Variants in CDH12 observed in about 807,000 individuals in gnomAD.
CDH12 encodes cadherin 12, also known as cadherin-12.
CDH12 carries 41 observed loss-of-function variants against 74.1 expected under a neutral mutation model. The observed-to-expected ratio is 0.55, with a 90% CI of 0.43 to 0.72. CDH12 has a LOEUF of 0.72. Ranked by LOEUF, CDH12 falls within the 30% of genes least tolerant of loss-of-function variation. The pLI is 0.00. For missense variants in CDH12, 945 were observed against 977.2 expected, an observed-to-expected ratio of 0.97 and a Z score of 0.44; for synonymous variants, 399 against 355.0, an observed-to-expected ratio of 1.12 and a Z score of -1.39.
chr5:22,641,226 C>T (rs111850347), intron 1 of CDH12, among the ~76,000 whole-genome samples: 1 of 152,088 alleles, frequency 6.6e-6, no homozygotes, highest in African/African-American at 2.4e-5. Context: ...GGTCTCAGAA[C>T]CGGGGAAGCT....
intron 2 of CDH12, among the ~76,000 whole-genome samples, chr5:22,433,753 C>A (rs1744266903): frequency 6.6e-6 from 1 of 152,120 alleles, no homozygotes; most frequent in Non-Finnish European, 1.5e-5. Context: ...TTTAGGAATT[C>A]AAACACAGGC....
intron 1 of CDH12, among the ~76,000 whole-genome samples, chr5:22,555,596 G>A (rs1003078349): frequency 1.3e-5 from 2 of 151,692 alleles, no homozygotes; most frequent in Non-Finnish European, 1.5e-5. Context: ...AAATAATTAA[G>A]CAAAAGATCT....
intron 4 of CDH12, among the ~76,000 whole-genome samples, chr5:22,104,285 A>T (rs1312252206): frequency 6.6e-6 from 1 of 152,206 alleles, no homozygotes; most frequent in African/African-American, 2.4e-5. Flanking sequence ...CCTTGTAGGC[A>T]TTTGAATTAG....
At chr5:22,597,374 G>A (rs1001738455) in intron 1 of CDH12, among the ~76,000 whole-genome samples, 9 of 152,226 alleles carry the variant, frequency 5.9e-5, no homozygotes, top group Admixed American at 5.2e-4. Flanking sequence ...CATATCATAT[G>A]CACAGATGAG....
chr5:22,590,250 T>C (rs558541106), intron 1 of CDH12, among the ~76,000 whole-genome samples: 1 of 152,144 alleles, frequency 6.6e-6, no homozygotes, highest in African/African-American at 2.4e-5. Context: ...CTCTTTTGAG[T>C]GACAGAATCT....
intron 8 of CDH12, among the ~76,000 whole-genome samples, chr5:21,819,287 C>T (rs895325029): frequency 2.0e-5 from 3 of 151,902 alleles, no homozygotes; most frequent in African/African-American, 7.2e-5. Context: ...ATATAAGGGT[C>T]CCTGAACTTC....
At chr5:22,836,420 A>G (rs1736831578) in intron 1 of CDH12, among the ~76,000 whole-genome samples, 1 of 151,194 alleles carries the variant, frequency 6.6e-6, no homozygotes, top group Non-Finnish European at 1.5e-5. Flanking sequence ...TTGTAGAGAC[A>G]GGGTTTCACT....
chr5:22,449,746 T>C (rs988186966), intron 2 of CDH12, among the ~76,000 whole-genome samples: 1 of 152,046 alleles, frequency 6.6e-6, no homozygotes, highest in African/African-American at 2.4e-5. Flanking sequence ...ATATCTGTTA[T>C]ATGGACTTGC....
rs78204513 is a variant in CDH12 at position 22,582,263 on chromosome 5, T to C, written c.-522-76899A>G. ...TGAATTCACCTTAATATAGATGACA[T>C]ACTATTTTATCTATGCTTTTTTGGC... On this transcript the variant is annotated intron_variant, in intron 1 of 14. Coordinates refer to ENST00000382254, the MANE Select transcript of CDH12 (RefSeq NM_004061.5). Among the ~76,000 whole-genome samples the C allele has an allele frequency of 9.1e-3, 1,371 of 150,364 alleles. 21 individuals carry two copies. Among genetic ancestry groups the C allele is most frequent in the African/African-American group, 0.032 (1,306 of 41,362 alleles).
intron 4 of CDH12, among the ~76,000 whole-genome samples, chr5:22,149,387 C>T (rs1165516365): frequency 2.6e-5 from 4 of 152,102 alleles, no homozygotes; most frequent in Admixed American, 6.6e-5. Context: ...CTTTTAAAGG[C>T]CTGCCATGGT....
chr5:22,626,110 C>A (rs1180073041), intron 1 of CDH12, among the ~76,000 whole-genome samples: 2 of 152,118 alleles, frequency 1.3e-5, no homozygotes, highest in Non-Finnish European at 2.9e-5. Flanking sequence ...ACTACCAGTA[C>A]AAGTGCATGC....
intron 4 of CDH12, among the ~76,000 whole-genome samples, chr5:22,131,536 T>C (rs957845038): frequency 3.3e-5 from 5 of 152,126 alleles, no homozygotes; most frequent in African/African-American, 1.2e-4. Context: ...ATTTCCTGAG[T>C]GATTAAATGG....
intron 2 of CDH12, among the ~76,000 whole-genome samples, chr5:22,495,203 A>G (rs1160153823): frequency 6.6e-6 from 1 of 152,170 alleles, no homozygotes; most frequent in Non-Finnish European, 1.5e-5. Context: ...AAACAACACA[A>G]AAAAATGGAA....
chr5:22,783,289 G>A lies in CDH12; in HGVS notation c.-523+69769C>T, dbSNP rs188483214. On this transcript the variant is annotated intron_variant, in intron 1 of 14. Transcript: ENST00000382254. ...AGATCCACTTTGTTTATAAATACAT[G>A]AGACACACTATCCCAGTGAATTGCA... Among the ~76,000 whole-genome samples the A allele has an allele frequency of 1.9e-4, 29 of 151,348 alleles. No homozygotes were observed. In the East Asian group the frequency reaches 4.2e-3, roughly 22 times the overall value.
At chr5:22,470,260 G>C (rs1007146606) in intron 2 of CDH12, among the ~76,000 whole-genome samples, 22 of 152,024 alleles carry the variant, frequency 1.4e-4, no homozygotes, top group Non-Finnish European at 2.9e-4. Flanking sequence ...TTATGTAGTT[G>C]GCTTAAAAGA....
At chr5:22,135,447 AT>A (rs1746409719) in intron 4 of CDH12, among the ~76,000 whole-genome samples, 1 of 152,020 alleles carries the variant, frequency 6.6e-6, no homozygotes, top group Non-Finnish European at 1.5e-5. Context: ...TTTCTGTCAT[AT>A]TTCATAAGAG....
chr5:22,498,225 C>A (rs543289115), intron 2 of CDH12, among the ~76,000 whole-genome samples: 13 of 152,082 alleles, frequency 8.5e-5, no homozygotes, highest in Admixed American at 8.5e-4. Flanking sequence ...TGGCACTCTT[C>A]CCAGCTAATT....
intron 1 of CDH12, among the ~76,000 whole-genome samples, chr5:22,568,746 G>A (rs1056314777): frequency 2.0e-5 from 3 of 152,154 alleles, no homozygotes; most frequent in African/African-American, 7.2e-5. Flanking sequence ...ATAACAAAGT[G>A]AGCCACATAC....
At chr5:22,490,645 G>GT (rs901211426) in intron 2 of CDH12, among the ~76,000 whole-genome samples, 1 of 151,388 alleles carries the variant, frequency 6.6e-6, no homozygotes, top group African/African-American at 2.4e-5. Flanking sequence ...TCTTTAATCA[G>GT]TTAAAAAAAA....
Sources: allele counts gnomAD v4.1 joint callset (sites outside exome capture counted in the v4.1 genomes callset), GRCh38; gene constraint gnomAD v4.1.1; transcripts MANE v1.5; gene names NCBI Gene and HGNC (gene_info 2026-07-23, HGNC 2026-07-21).